Variants in RAP1GDS1 observed in about 807,000 individuals in gnomAD.
RAP1GDS1 encodes Rap1 GTPase-GDP dissociation stimulator 1.
RAP1GDS1 carries 35 observed loss-of-function variants against 71.1 expected under a neutral mutation model. That is an observed-to-expected ratio of 0.49 (90% CI 0.38 to 0.65). RAP1GDS1 has a LOEUF of 0.65. Ranked by LOEUF, RAP1GDS1 falls within the 30% of genes least tolerant of loss-of-function variation. RAP1GDS1 has a pLI of 0.00. For synonymous variants in RAP1GDS1, 229 were observed against 243.1 expected, an observed-to-expected ratio of 0.94 and a Z score of 0.54; for missense variants, 663 against 706.1, an observed-to-expected ratio of 0.94 and a Z score of 0.69.
intron 5 of RAP1GDS1, among the ~76,000 whole-genome samples, chr4:98,389,180 G>C (rs1743228572): frequency 6.6e-6 from 1 of 152,132 alleles, no homozygotes; most frequent in African/African-American, 2.4e-5. Context: ...TATGAAAATA[G>C]CTTTGACTTT....
chr4:98,398,903 T>C (rs1426164354), intron 6 of RAP1GDS1, among the ~76,000 whole-genome samples: 1 of 152,060 alleles, frequency 6.6e-6, no homozygotes. Flanking sequence ...TACAAAACAC[T>C]GATGAGGGAA....
chr4:98,368,290 T>C (rs1352639162), intron 4 of RAP1GDS1, among the ~76,000 whole-genome samples: 3 of 152,212 alleles, frequency 2.0e-5, no homozygotes, highest in Non-Finnish European at 2.9e-5. Flanking sequence ...ATAAGACCAA[T>C]TAAACCTCTT....
chr4:98,296,254 G>A (rs534218089), intron 2 of RAP1GDS1, among the ~76,000 whole-genome samples: 2 of 152,134 alleles, frequency 1.3e-5, no homozygotes, highest in Non-Finnish European at 2.9e-5. Context: ...TACTGGAAAG[G>A]TTATCTCTGA....
chr4:98,363,502 AAAAG>A (rs1739060178), intron 4 of RAP1GDS1, among the ~76,000 whole-genome samples: 2 of 148,986 alleles, frequency 1.3e-5, no homozygotes, highest in Non-Finnish European at 3.0e-5. Flanking sequence ...AAAAAAAAAA[AAAAG>A]TGTAGTAATT....
At chr4:98,340,558 G>T (rs1263850276) in intron 2 of RAP1GDS1, among the ~76,000 whole-genome samples, 2 of 151,944 alleles carry the variant, frequency 1.3e-5, no homozygotes, top group Non-Finnish European at 2.9e-5. Context: ...GACCAGCCTG[G>T]CCAACATAGC....
chr4:98,305,270 G>A (rs1317198752), intron 2 of RAP1GDS1, among the ~76,000 whole-genome samples: 5 of 152,124 alleles, frequency 3.3e-5, no homozygotes, highest in Middle Eastern at 3.4e-3. Flanking sequence ...CAGTATGGCC[G>A]TTTTCATGCT....
Position 98,443,538 on chromosome 4 carries a change from A to G in RAP1GDS1, c.*1421A>G. ...AGTAGAAAGGGCTGCCACGGAGGTG[A>G]CAGTAGCTCCTTCCTCTCCAACATG... On this transcript the variant is annotated 3_prime_UTR_variant, in exon 15 of 15. Coordinates refer to ENST00000408927, the MANE Select transcript of RAP1GDS1 (RefSeq NM_001100427.2). The G allele has an allele frequency of 4.4e-6, 1 of 227,196 alleles. No homozygotes were observed. Among genetic ancestry groups the G allele is most frequent in the Non-Finnish European group, 8.7e-6 (1 of 114,300 alleles). The allele number at this position is 227,196 out of a possible 1,614,324, so 14.1% of individuals were successfully genotyped here. A position where few individuals can be genotyped will look rare whatever the true frequency, so the allele number is the denominator to read the frequency against.
intron 4 of RAP1GDS1, among the ~76,000 whole-genome samples, chr4:98,361,940 T>C (rs1487646085): frequency 6.6e-6 from 1 of 152,234 alleles, no homozygotes; most frequent in Admixed American, 6.5e-5. Context: ...TAATATGTTA[T>C]AGCTTTTGCT....
intron 2 of RAP1GDS1, among the ~76,000 whole-genome samples, chr4:98,303,049 TAAAA>T (rs536421624): frequency 1.9e-5 from 2 of 105,126 alleles, no homozygotes; most frequent in African/African-American, 3.4e-5. Context: ...CAGTCTCAAA[TAAAA>T]AAAAAAAAAA....
At chr4:98,284,475 G>C (rs1464778204) in intron 1 of RAP1GDS1, among the ~76,000 whole-genome samples, 1 of 152,132 alleles carries the variant, frequency 6.6e-6, no homozygotes, top group Non-Finnish European at 1.5e-5. Context: ...CTATAATGCT[G>C]TTTATTGTAC....
chr4:98,330,150 A>C (rs1733737531), intron 2 of RAP1GDS1, among the ~76,000 whole-genome samples: 1 of 152,224 alleles, frequency 6.6e-6, no homozygotes, highest in Non-Finnish European at 1.5e-5. Context: ...AAGGTTATAG[A>C]TTAACAGCAT....
rs773795891 is a variant in RAP1GDS1, at chr4:98,343,141, A to G, written c.115A>G (p.Thr39Ala). ...CTCTTTGTATGTATCTCTTTTAGAT[A>G]CGGAAACAAGTGAAAAAATCCAAGC... is the stretch of plus-strand genomic sequence containing the variant. ...CLLQALAQNNTETSEKIQASG... is the reference protein window; with the variant it reads ...CLLQALAQNNAETSEKIQASG... The change falls in exon 3 of 15, where the codon ACG becomes GCG. Residue 39 changes from threonine (T) to alanine (A), a missense_variant and splice_region_variant. By Grantham distance (58) the Thr-to-Ala change is moderately conservative. Coordinates refer to ENST00000408927, the MANE Select transcript of RAP1GDS1 (RefSeq NM_001100427.2). 2.3e-5 allele frequency: 37 copies of G among 1,607,922 alleles called. No homozygotes were observed. Among genetic ancestry groups the G allele is most frequent in the Non-Finnish European group, 3.1e-5 (36 of 1,176,166 alleles).
chr4:98,337,538 C>G (rs1164457090), intron 2 of RAP1GDS1, among the ~76,000 whole-genome samples: 5 of 152,150 alleles, frequency 3.3e-5, no homozygotes, highest in Non-Finnish European at 7.4e-5. Flanking sequence ...CCTATCATCC[C>G]TATCTCAGAT....
rs191843398 is a variant in RAP1GDS1, at chr4:98,266,087, T to C, written c.4+4518T>C. Among the ~76,000 whole-genome samples the C allele has an allele frequency of 1.4e-4, 21 of 152,240 alleles. No homozygotes were observed. The East Asian group carries it at 3.3e-3, about 24-fold the overall frequency. ...GACAGATATTACATTTTAGAAAATA[T>C]TTTAAAATTTTAAATGTATTTTAAT... On this transcript the variant is annotated intron_variant, in intron 1 of 14. Coordinates refer to ENST00000408927, the MANE Select transcript of RAP1GDS1 (RefSeq NM_001100427.2).
At chr4:98,392,127 C>T in intron 6 of RAP1GDS1, 47 bp downstream of exon 6, 2 of 1,521,746 alleles carry the variant, frequency 1.3e-6, no homozygotes, top group Non-Finnish European at 1.8e-6. Context: ...TATTAATGTG[C>T]TTACAATAAA....
chr4:98,353,320 A>C (rs1737486942), intron 4 of RAP1GDS1, among the ~76,000 whole-genome samples: 1 of 152,144 alleles, frequency 6.6e-6, no homozygotes, highest in South Asian at 2.1e-4. Flanking sequence ...TTTATCATTC[A>C]CCTGTAATGC....
intron 5 of RAP1GDS1, among the ~76,000 whole-genome samples, chr4:98,386,615 A>C (rs1742806004): frequency 6.6e-6 from 1 of 151,506 alleles, no homozygotes; most frequent in South Asian, 2.1e-4. Context: ...ATTGAAATGT[A>C]TAATGGGGCT....
intron 2 of RAP1GDS1, among the ~76,000 whole-genome samples, chr4:98,318,632 T>G (rs1731300667): frequency 6.6e-6 from 1 of 152,186 alleles, no homozygotes; most frequent in South Asian, 2.1e-4. Context: ...TGGGGATATG[T>G]CAGGACAAAG....
chr4:98,427,888 G>C (rs1056924193), intron 12 of RAP1GDS1, among the ~76,000 whole-genome samples: 1 of 152,068 alleles, frequency 6.6e-6, no homozygotes, highest in African/African-American at 2.4e-5. Context: ...AACCAAGAAA[G>C]AGCCTGCATA....
Sources: gnomAD v4.1 joint callset for allele counts (sites outside exome capture counted in the v4.1 genomes callset) on GRCh38, gnomAD v4.1.1 for gene constraint, MANE v1.5 for transcripts, NCBI Gene and HGNC (gene_info 2026-07-23, HGNC 2026-07-21) for gene names.